Variants in FBXL7 observed in about 807,000 individuals in gnomAD.
The protein encoded by FBXL7 is F-box and leucine rich repeat protein 7, also known as F-box/LRR-repeat protein 7.
Under a neutral mutation model 38.3 loss-of-function variants are expected in FBXL7, and 12 were observed. The ratio of observed to expected loss-of-function variants is 0.31; its 90% CI spans 0.20 to 0.51. The LOEUF is 0.51. FBXL7 is among the 20% of genes least tolerant of loss of function. The probability of loss-of-function intolerance (pLI) is 0.98; values close to 1 mark genes in which losing one functional copy is unlikely to be tolerated. For missense variants in FBXL7, 567 were observed against 676.4 expected, an observed-to-expected ratio of 0.84 and a Z score of 1.79; for synonymous variants, 297 against 300.9, an observed-to-expected ratio of 0.99 and a Z score of 0.13.
intron 2 of FBXL7, among the ~76,000 whole-genome samples, chr5:15,628,632 G>T (rs1182363248): frequency 6.6e-6 from 1 of 152,152 alleles, no homozygotes; most frequent in Admixed American, 6.5e-5. Flanking sequence ...AATATTCAAT[G>T]TGAATACATT....
At chr5:15,758,543 G>A (rs964903271) in intron 2 of FBXL7, among the ~76,000 whole-genome samples, 3 of 151,950 alleles carry the variant, frequency 2.0e-5, no homozygotes, top group Admixed American at 6.6e-5. Flanking sequence ...ACAAAGGGCC[G>A]GATAGATATA....
At chr5:15,814,107 A>G (rs750442142) in intron 2 of FBXL7, among the ~76,000 whole-genome samples, 9 of 152,160 alleles carry the variant, frequency 5.9e-5, no homozygotes, top group Non-Finnish European at 7.3e-5. Context: ...AAATCATTCT[A>G]CTATAATGAC....
intron 2 of FBXL7, among the ~76,000 whole-genome samples, chr5:15,701,976 C>T (rs969261124): frequency 1.3e-5 from 2 of 152,096 alleles, no homozygotes; most frequent in South Asian, 2.1e-4. Context: ...CGGTGGTTCA[C>T]GCCTGTAATC....
At chr5:15,764,588 A>G (rs932909865) in intron 2 of FBXL7, among the ~76,000 whole-genome samples, 1 of 152,238 alleles carries the variant, frequency 6.6e-6, no homozygotes, top group African/African-American at 2.4e-5. Context: ...GCTTAAGAAC[A>G]GGAGCATCAG....
chr5:15,669,954 G>T (rs536361922), intron 2 of FBXL7, among the ~76,000 whole-genome samples: 1 of 152,102 alleles, frequency 6.6e-6, no homozygotes, highest in Non-Finnish European at 1.5e-5. Flanking sequence ...TGTCACTTCC[G>T]GGTGGAAGCT....
At chr5:15,559,401 A>G (rs1390065724) in intron 1 of FBXL7, among the ~76,000 whole-genome samples, 1 of 152,322 alleles carries the variant, frequency 6.6e-6, no homozygotes, top group East Asian at 1.9e-4. Flanking sequence ...GTGCACATGT[A>G]TCTGTGTGAG....
At chr5:15,651,634 G>T (rs894108626) in intron 2 of FBXL7, among the ~76,000 whole-genome samples, 3 of 152,188 alleles carry the variant, frequency 2.0e-5, no homozygotes, top group Non-Finnish European at 4.4e-5. Flanking sequence ...AAACAGATGT[G>T]CCGTTATTCA....
In FBXL7 at chr5:15,814,974, C is replaced by T. The variant is rs139860959; in HGVS notation, c.128-112916C>T. On this transcript the variant is annotated intron_variant, in intron 2 of 3. Transcript: ENST00000504595. Reference sequence around the variant, plus strand: ...CTCTCCCTGATCCTAAGCAGCCCCACTGGTGAGCCCCTCTCTGATAAGCAA... The same window carrying T: ...CTCTCCCTGATCCTAAGCAGCCCCATTGGTGAGCCCCTCTCTGATAAGCAA... 2.6e-3 allele frequency among the ~76,000 whole-genome samples: 396 copies of T among 152,264 alleles called. 2 individuals are homozygous for T. The highest frequency in any genetic ancestry group is 8.8e-3 in the African/African-American group (366 of 41,556).
At position 15,784,018 on chromosome 5, in the gene FBXL7, A is replaced by G. The variant is rs560210336; in HGVS notation, c.128-143872A>G. On this transcript the variant is annotated intron_variant, in intron 2 of 3. Transcript: ENST00000504595. ...ACTCAGGTCTAGCATGGTGGCCCCA[A>G]TGAGTGAGCTTGGTGATGTGGCAGT... 1.7e-4 allele frequency among the ~76,000 whole-genome samples: 26 copies of G among 152,276 alleles called. 1 individual carries two copies. In the Middle Eastern group the frequency reaches 0.014, roughly 80 times the overall value.
intron 1 of FBXL7, among the ~76,000 whole-genome samples, chr5:15,578,950 A>C (rs945543926): frequency 2.0e-5 from 3 of 152,190 alleles, no homozygotes; most frequent in African/African-American, 7.2e-5. Flanking sequence ...ATGGATTCCA[A>C]GTGAGCCTGC....
intron 2 of FBXL7, among the ~76,000 whole-genome samples, chr5:15,817,070 C>T (rs1738035042): frequency 6.6e-6 from 1 of 152,158 alleles, no homozygotes; most frequent in South Asian, 2.1e-4. Context: ...TGGGAGCAGG[C>T]CCAGATTCTA....
intron 1 of FBXL7, among the ~76,000 whole-genome samples, chr5:15,613,372 C>A (rs1740320735): frequency 6.6e-6 from 1 of 152,166 alleles, no homozygotes; most frequent in South Asian, 2.1e-4. Flanking sequence ...GCCATGTCAA[C>A]CCACTTCCAA....
At chr5:15,875,472 C>G (rs1740160330) in intron 2 of FBXL7, among the ~76,000 whole-genome samples, 1 of 152,110 alleles carries the variant, frequency 6.6e-6, no homozygotes, top group African/African-American at 2.4e-5. Context: ...AGGCAACCTA[C>G]AGAATGGGAG....
At chr5:15,883,792 A>C (rs1385314714) in intron 2 of FBXL7, among the ~76,000 whole-genome samples, 1 of 152,216 alleles carries the variant, frequency 6.6e-6, no homozygotes, top group African/African-American at 2.4e-5. Context: ...TTTTTACCAG[A>C]CCATTCCAAG....
chr5:15,544,410 CA>C (rs1359146442), intron 1 of FBXL7, among the ~76,000 whole-genome samples: 12 of 152,302 alleles, frequency 7.9e-5, no homozygotes, highest in African/African-American at 2.9e-4. Flanking sequence ...ATGTGATGGT[CA>C]AAGGCATCCT....
chr5:15,811,810 T>A (rs1057425335), intron 2 of FBXL7, among the ~76,000 whole-genome samples: 1 of 152,090 alleles, frequency 6.6e-6, no homozygotes, highest in Non-Finnish European at 1.5e-5. Flanking sequence ...CCAGTCAGAA[T>A]GGCAATTATT....
intron 2 of FBXL7, among the ~76,000 whole-genome samples, chr5:15,722,218 C>T (rs13172068): frequency 0.72 from 109,825 of 152,092 alleles, 40,009 homozygotes; most frequent in East Asian, 0.88. Flanking sequence ...CTTATTGATA[C>T]CAGTTTTTTA....
intron 2 of FBXL7, among the ~76,000 whole-genome samples, chr5:15,896,449 C>A (rs74795805): frequency 0.02 from 3,018 of 152,244 alleles, 58 homozygotes; most frequent in Non-Finnish European, 0.026. Flanking sequence ...CTCATAGTTC[C>A]AGCTAGGGTG....
intron 1 of FBXL7, among the ~76,000 whole-genome samples, chr5:15,585,316 A>C (rs897893373): frequency 2.6e-5 from 4 of 152,194 alleles, no homozygotes; most frequent in African/African-American, 9.7e-5. Flanking sequence ...GGAGAGATGA[A>C]TCCAATTAAA....
Sources: gnomAD v4.1 joint callset for allele counts (sites outside exome capture counted in the v4.1 genomes callset) on GRCh38, gnomAD v4.1.1 for gene constraint, MANE v1.5 for transcripts, NCBI Gene and HGNC (gene_info 2026-07-23, HGNC 2026-07-21) for gene names.